The following NFIB variants were observed in gnomAD, a reference collection of about 807,000 sequenced individuals.
NFIB encodes the protein nuclear factor I B.
NFIB carries 11 observed loss-of-function variants against 61.5 expected under a neutral mutation model. The observed-to-expected ratio is 0.18, with a 90% CI of 0.11 to 0.30. NFIB has a LOEUF of 0.30. Among genes scored for constraint, NFIB ranks in the 10% least tolerant of loss-of-function variants. The pLI is 1.00. For missense variants in NFIB, 471 were observed against 608.9 expected (o/e 0.77, Z 2.38); for synonymous variants, 260 against 216.5 (o/e 1.20, Z -1.76).
the NFIB span, among the ~76,000 whole-genome samples, chr9:14,455,766 G>A: frequency 5.3e-5 from 8 of 152,008 alleles, no homozygotes; most frequent in African/African-American, 1.5e-4. Context: ...ATTATCATTC[G>A]TTTTTAGGGA....
At chr9:14,504,892 GC>G in the NFIB span, among the ~76,000 whole-genome samples, 1 of 152,148 alleles carries the variant, frequency 6.6e-6, no homozygotes. Flanking sequence ...GTGAAAGTGG[GC>G]ATCCTTGTTG....
chr9:14,481,844 C>T, the NFIB span, among the ~76,000 whole-genome samples: 14 of 152,272 alleles, frequency 9.2e-5, no homozygotes, highest in Non-Finnish European at 4.4e-5. Context: ...TGGTCCCCAA[C>T]ACCAGGTGCT....
intron 1 of NFIB, among the ~76,000 whole-genome samples, chr9:14,388,058 A>AT (rs2061570396): frequency 2.0e-5 from 3 of 152,226 alleles, no homozygotes; most frequent in African/African-American, 4.8e-5. Flanking sequence ...GTACCACAGT[A>AT]TTTTTATCAT....
chr9:14,316,129 G>C (rs551611982), upstream of NFIB, among the ~76,000 whole-genome samples: 1 of 152,298 alleles, frequency 6.6e-6, no homozygotes, highest in African/African-American at 2.4e-5. Context: ...TCACCAAGTG[G>C]GAGTTATCCA....
chr9:14,131,936 CAT>C (rs2040453132), intron 6 of NFIB, among the ~76,000 whole-genome samples: 1 of 152,170 alleles, frequency 6.6e-6, no homozygotes, highest in African/African-American at 2.4e-5. Flanking sequence ...TCCTTTTTCA[CAT>C]ATAGTAGAGC....
At position 14,307,332 on chromosome 9, in the gene NFIB, T is replaced by G. The variant is rs756139182; in HGVS notation, c.219A>C (p.Ala73=). Reference sequence around the variant, plus strand: ...TGCGCAGTTTGGCAAGGAGCCTGGATGCCCACTTCTGTTTGATTTCAGGCT... The same window carrying G: ...TGCGCAGTTTGGCAAGGAGCCTGGAGGCCCACTTCTGTTTGATTTCAGGCT... ...SEKPEIKQKW[A]SRLLAKLRKD... Residue 73 remains alanine (A), a synonymous_variant, in exon 2 of 11, where the codon GCA becomes GCC. Coordinates refer to ENST00000380953, the MANE Select transcript of NFIB (RefSeq NM_001190737.2). This position sits in a 1 kb window ranked among gnomAD's most constrained non-coding sequence, Gnocchi z 5.3. The G allele has an allele frequency of 3.2e-5, 51 of 1,613,966 alleles. No individual in the cohort carries two copies. In the Admixed American group the frequency reaches 8.5e-4, roughly 27 times the overall value.
the NFIB span, among the ~76,000 whole-genome samples, chr9:14,514,013 T>C: frequency 6.6e-6 from 1 of 152,246 alleles, no homozygotes; most frequent in Non-Finnish European, 1.5e-5. Flanking sequence ...TTACCTCAGT[T>C]ATTAGGGCCT....
chr9:14,172,324 G>T (rs1027272679), intron 3 of NFIB, among the ~76,000 whole-genome samples: 1 of 152,140 alleles, frequency 6.6e-6, no homozygotes. Flanking sequence ...TGGTAGGTAG[G>T]AATCAGTGAA....
the NFIB span, among the ~76,000 whole-genome samples, chr9:14,510,613 T>C: frequency 6.6e-6 from 1 of 152,162 alleles, no homozygotes; most frequent in South Asian, 2.1e-4. Context: ...ATCTCTCTTT[T>C]GTTTTCCTAC....
chr9:14,125,789 C>G (rs1233543862), intron 6 of NFIB, 23 bp from the exon 7 acceptor site: 3 of 1,611,688 alleles, frequency 1.9e-6, no homozygotes, highest in Non-Finnish European at 2.5e-6. Context: ...GAGAAAAACC[C>G]AAAGCTCCAT....
chr9:14,347,741 G>C (rs1029863450), intron 1 of NFIB, among the ~76,000 whole-genome samples: 11 of 152,124 alleles, frequency 7.2e-5, no homozygotes, highest in Non-Finnish European at 1.5e-4. Flanking sequence ...AGACAAGGCA[G>C]GGCCAGGAGT....
At chr9:14,095,749 A>C (rs542071821) in intron 10 of NFIB, among the ~76,000 whole-genome samples, 1 of 152,286 alleles carries the variant, frequency 6.6e-6, no homozygotes, top group South Asian at 2.1e-4. Flanking sequence ...TTAAAGGTGA[A>C]ACTTACTTGT....
chr9:14,219,796 G>A (rs906203820), intron 2 of NFIB, among the ~76,000 whole-genome samples: 1 of 152,122 alleles, frequency 6.6e-6, no homozygotes, highest in Admixed American at 6.5e-5. Context: ...CAAGAAAGTG[G>A]CATATTCTTT....
chr9:14,237,495 T>C (rs984705105), intron 2 of NFIB, among the ~76,000 whole-genome samples: 1 of 152,192 alleles, frequency 6.6e-6, no homozygotes, highest in Non-Finnish European at 1.5e-5. Context: ...TATGTCTATG[T>C]ACCTTCTCAT....
intron 10 of NFIB, chr9:14,102,636 A>AG (rs1246133197): frequency 4.9e-5 from 31 of 631,032 alleles, no homozygotes; most frequent in Non-Finnish European, 7.0e-5. Flanking sequence ...GGCAACTTAA[A>AG]GAAAAAAAAA....
intron 6 of NFIB, among the ~76,000 whole-genome samples, chr9:14,145,445 T>A (rs2042178167): frequency 6.6e-6 from 1 of 152,036 alleles, no homozygotes; most frequent in Non-Finnish European, 1.5e-5. Flanking sequence ...CCATGAAGAT[T>A]TTTCACTATT....
Position 14,113,207 on chromosome 9 carries a change from T to G in NFIB, c.1385-126A>C, listed in dbSNP as rs1195786591. ...AAAAAAAAAAGTGTCTTCATTTCTC[T>G]TCTCTTTTGTCTGAGTGAACACCAA... On this transcript the variant is annotated intron_variant, in intron 9 of 10. Transcript: ENST00000380953. 4.2e-6 allele frequency: 3 copies of G among 708,178 alleles called. No individual in the cohort carries two copies. In the Admixed American group the frequency reaches 1.0e-4, roughly 23 times the overall value. The allele number at this position is 708,178 out of a possible 1,614,324, so 43.9% of individuals were successfully genotyped here.
chr9:14,369,437 C>A (rs1386088872), intron 1 of NFIB, among the ~76,000 whole-genome samples: 1 of 152,122 alleles, frequency 6.6e-6, no homozygotes, highest in Non-Finnish European at 1.5e-5. Context: ...CATCTCATAG[C>A]CAACAGTTCT....
At chr9:14,515,478 A>G in the NFIB span, among the ~76,000 whole-genome samples, 1 of 152,104 alleles carries the variant, frequency 6.6e-6, no homozygotes. Flanking sequence ...GTGGATTTCA[A>G]TCCATGAGTG....
Sources: allele counts gnomAD v4.1 joint callset (sites outside exome capture counted in the v4.1 genomes callset), GRCh38; gene constraint gnomAD v4.1.1; non-coding constraint Gnocchi (gnomAD v3.1); transcripts MANE v1.5; gene names NCBI Gene and HGNC (gene_info 2026-07-23, HGNC 2026-07-21).